Variants in CATSPERD observed in about 807,000 individuals in gnomAD.
CATSPERD encodes cation channel sperm-associated auxiliary subunit delta.
CATSPERD carries 86 observed loss-of-function variants against 98.1 expected under a neutral mutation model. The ratio of observed to expected loss-of-function variants is 0.88; its 90% CI spans 0.74 to 1.05. The LOEUF (loss-of-function observed/expected upper bound fraction) is 1.05. Ranked by LOEUF, CATSPERD falls within the 50% of genes least tolerant of loss-of-function variation. The pLI, the probability that CATSPERD is intolerant of heterozygous loss-of-function variation, is 0.00. For missense variants in CATSPERD, 995 were observed against 1,005.7 expected (o/e 0.99, Z 0.14); for synonymous variants, 394 against 390.2 (o/e 1.01, Z -0.12).
At chr19:5,754,686 C>A (rs993835600) in intron 13 of CATSPERD, among the ~76,000 whole-genome samples, 15 of 151,918 alleles carry the variant, frequency 9.9e-5, no homozygotes, top group East Asian at 5.8e-4. Flanking sequence ...GCATGAGCCA[C>A]CATGCCCAGC....
At chr19:5,736,801 T>C (rs1261562367) in intron 5 of CATSPERD, among the ~76,000 whole-genome samples, 1 of 152,088 alleles carries the variant, frequency 6.6e-6, no homozygotes, top group Non-Finnish European at 1.5e-5. Flanking sequence ...CTCACGCCTG[T>C]AATCCCAGCA....
chr19:5,736,976 G>C (rs1162747205), intron 5 of CATSPERD, among the ~76,000 whole-genome samples, 162 bp from the exon 6 acceptor site: 1 of 151,996 alleles, frequency 6.6e-6, no homozygotes, highest in Non-Finnish European at 1.5e-5. Flanking sequence ...AGAATGGCAT[G>C]AACCCGGGAG....
chr19:5,738,656 T>C (rs1023017394), intron 6 of CATSPERD, among the ~76,000 whole-genome samples: 25 of 152,282 alleles, frequency 1.6e-4, no homozygotes, highest in African/African-American at 6.0e-4. Context: ...CAATCTCGGC[T>C]CATTGCAACC....
chr19:5,728,230 C>T (rs531082580), intron 3 of CATSPERD, among the ~76,000 whole-genome samples: 9 of 151,314 alleles, frequency 5.9e-5, no homozygotes, highest in South Asian at 4.2e-4. Flanking sequence ...TGATGGCGCC[C>T]GCCTGTAGTC....
intron 5 of CATSPERD, among the ~76,000 whole-genome samples, chr19:5,735,366 G>A (rs1242271103): frequency 2.0e-5 from 3 of 151,434 alleles, no homozygotes; most frequent in Admixed American, 1.3e-4. Flanking sequence ...GCTGGAGTGC[G>A]ATCGCACGAT....
At chr19:5,769,314 A>AAAAAAAAT (rs35594514) in intron 18 of CATSPERD, among the ~76,000 whole-genome samples, 2 of 132,940 alleles carry the variant, frequency 1.5e-5, no homozygotes, top group Non-Finnish European at 1.6e-5. Context: ...AAAAAAAAAA[A>AAAAAAAAT]GAGGGTGGTG....
At chr19:5,751,340 C>A (rs933609683) in intron 11 of CATSPERD, among the ~76,000 whole-genome samples, 2 of 149,136 alleles carry the variant, frequency 1.3e-5, no homozygotes, top group African/African-American at 4.9e-5. Flanking sequence ...CTGGCTAACA[C>A]AGTGAAACCC....
chr19:5,756,774 G>A (rs1453328273), intron 13 of CATSPERD, among the ~76,000 whole-genome samples: 6 of 151,520 alleles, frequency 4.0e-5, no homozygotes, highest in African/African-American at 1.5e-4. Context: ...GTGAAACCTC[G>A]TCTCTACTAA....
chr19:5,744,113 G>A (rs1438270524), intron 7 of CATSPERD, among the ~76,000 whole-genome samples: 1 of 152,044 alleles, frequency 6.6e-6, no homozygotes, highest in African/African-American at 2.4e-5. Flanking sequence ...CTGAGTAGCT[G>A]GGATTACAGG....
At chr19:5,727,393 T>A in intron 3 of CATSPERD, 49 bp downstream of exon 3, 3 of 1,299,518 alleles carry the variant, frequency 2.3e-6, no homozygotes, top group Non-Finnish European at 3.3e-6. Flanking sequence ...ATTAAATCTT[T>A]AGATTTGCCC....
rs745659330 is a variant in CATSPERD, at chr19:5,772,908, G to A, written c.1884G>A (p.Pro628=). The change falls in exon 20 of 22, where the codon CCG becomes CCA. Residue 628 remains proline, a synonymous_variant. Transcript: ENST00000381624. ...AGTCGGCCATGTGTACCTCCCAGCC[G>A]CAGAACTGGACCACCATGATAAAGG... ...TAQSAMCTSQ[P]QNWTTMIKEF... The A allele has an allele frequency of 1.1e-5, 18 of 1,613,934 alleles. No homozygotes were observed. The highest frequency in any genetic ancestry group is 8.3e-5 in the Admixed American group (5 of 59,976).
rs543669766 is a variant in CATSPERD at position 5,722,343 on chromosome 19, G to A, written c.71+1535G>A. ...CCACCATGTTGCCCAGGTTGGTCTC[G>A]AACTCCTGACCTCGTGATTCACTTG... On this transcript the variant is annotated intron_variant, in intron 1 of 21. Coordinates refer to ENST00000381624, the MANE Select transcript of CATSPERD (RefSeq NM_152784.4). Among the ~76,000 whole-genome samples the A allele has an allele frequency of 1.2e-4, 19 of 152,148 alleles. No individual in the cohort carries two copies. The South Asian group carries it at 3.7e-3, about 30-fold the overall frequency.
Position 5,745,997 on chromosome 19 carries a change from G to T in CATSPERD, c.742G>T (p.Ala248Ser), listed in dbSNP as rs1416219966. Residue 248 changes from alanine (A) to serine (S), a missense_variant, in exon 9 of 22, where the codon GCC becomes TCC. Physicochemically the swap from Ala to Ser is moderately conservative, Grantham distance 99. Coordinates refer to ENST00000381624, the MANE Select transcript of CATSPERD (RefSeq NM_152784.4). ...DYNGTLDILIAPGQRGILLLW... is the reference protein window; with the variant it reads ...DYNGTLDILISPGQRGILLLW... Reference sequence around the variant, plus strand: ...TAATGGGACTCTAGACATCCTCATCGCCCCCGGCCAGAGAGGCATCCTGCT... The same window carrying T: ...TAATGGGACTCTAGACATCCTCATCTCCCCCGGCCAGAGAGGCATCCTGCT... The T allele has an allele frequency of 6.2e-7, 1 of 1,613,900 alleles. No individual in the cohort carries two copies. Among genetic ancestry groups the T allele is most frequent in the African/African-American group, 1.3e-5 (1 of 74,896 alleles).
At position 5,778,428 on chromosome 19, in the gene CATSPERD, G is replaced by A. The variant is rs766947345; in HGVS notation, c.2149G>A (p.Val717Met). 78 of 1,613,658 alleles carry A rather than the reference G, an allele frequency of 4.8e-5. No homozygotes were observed. The highest frequency in any genetic ancestry group is 5.8e-5 in the Non-Finnish European group (69 of 1,180,010). The change falls in exon 22 of 22, where the codon GTG becomes ATG. Residue 717 changes from valine to methionine, a missense_variant. This residue lies in a region of CATSPERD where 762 missense variants were observed against 773.7 expected (regional missense o/e 0.98). Coordinates refer to ENST00000381624, the MANE Select transcript of CATSPERD (RefSeq NM_152784.4). Reference sequence around the variant, plus strand: ...CATCTACGTGTATGGAGCATTCCCCGTGCAGCTGGTCTCTGCTGGAGTCGT... The same window carrying A: ...CATCTACGTGTATGGAGCATTCCCCATGCAGCTGGTCTCTGCTGGAGTCGT... ...FSIYVYGAFP[V>M]QLVSAGVVIL...
At chr19:5,738,352 C>CAAAAAAA (rs767298084) in intron 6 of CATSPERD, among the ~76,000 whole-genome samples, 46 of 104,712 alleles carry the variant, frequency 4.4e-4, no homozygotes, top group Non-Finnish European at 6.1e-4. Flanking sequence ...ACTCAAAATA[C>CAAAAAAA]AAAAAAAAAA....
At chr19:5,775,648 CA>C (rs1156270373) in intron 20 of CATSPERD, among the ~76,000 whole-genome samples, 3,906 of 61,436 alleles carry the variant, frequency 0.064, 78 homozygotes, top group African/African-American at 0.086. Context: ...AACCCCATCT[CA>C]AAAAAAAAAA....
chr19:5,746,365 A>T (rs1213010784), intron 9 of CATSPERD, among the ~76,000 whole-genome samples: 1 of 152,150 alleles, frequency 6.6e-6, no homozygotes, highest in Non-Finnish European at 1.5e-5. Context: ...GTCTGGGAAA[A>T]ACGCCAGTCA....
intron 4 of CATSPERD, among the ~76,000 whole-genome samples, chr19:5,733,437 C>CTTTCTTTCTTTCTCTCTCTCTCTATTTCT (rs2055775643): frequency 7.4e-6 from 1 of 135,088 alleles, no homozygotes; most frequent in Non-Finnish European, 1.5e-5. Context: ...TTCCTCCTTT[C>CTTTCTTTCTTTCTCTCTCTCTCTATTTCT]TTTCTTTCTT....
At chr19:5,768,273 A>G in intron 18 of CATSPERD, 31 bp downstream of exon 18, 6 of 1,587,256 alleles carry the variant, frequency 3.8e-6, no homozygotes, top group Non-Finnish European at 5.2e-6. Flanking sequence ...AACACCTGAC[A>G]CCCAAGGCGA....
Sources: gnomAD v4.1 joint callset for allele counts (sites outside exome capture counted in the v4.1 genomes callset) on GRCh38, gnomAD v4.1.1 for gene constraint, gnomAD v4.1.1 regional missense constraint, MANE v1.5 for transcripts, NCBI Gene and HGNC (gene_info 2026-07-23, HGNC 2026-07-21) for gene names.